CWF19L2: variants seen among roughly 807,000 people sequenced by gnomAD.
CWF19L2 encodes the protein CWF19-like protein 2.
A neutral mutation model predicts 111.7 loss-of-function variants in CWF19L2; 98 were observed. The observed-to-expected ratio is 0.88, with a 90% CI of 0.75 to 1.04. The LOEUF (loss-of-function observed/expected upper bound fraction) is 1.04. CWF19L2 is among the 50% of genes least tolerant of loss of function. The pLI, the probability that CWF19L2 is intolerant of heterozygous loss-of-function variation, is 0.00. For missense variants in CWF19L2, 1,101 were observed against 1,051.4 expected, an observed-to-expected ratio of 1.05 and a Z score of -0.65; for synonymous variants, 351 against 342.9, an observed-to-expected ratio of 1.02 and a Z score of -0.26.
chr11:107,404,484 A>G, intron 10 of CWF19L2: 1 of 756,970 alleles, frequency 1.3e-6, no homozygotes, highest in Non-Finnish European at 2.5e-6. Context: ...TAGTTGTTGT[A>G]GGCGAGATGA....
Position 107,450,765 on chromosome 11 carries a change from A to C in CWF19L2, c.339+3685T>G, listed in dbSNP as rs149654917. ...GATACAAGAGACTTCAGACAAGAGT[A>C]TTACCAAAGATAAAAACGAAAACTT... is the stretch of plus-strand genomic sequence containing the variant. On this transcript the variant is annotated intron_variant, in intron 3 of 17. Transcript: ENST00000282251. Among the ~76,000 whole-genome samples, 427 of 152,308 alleles carry C rather than the reference A, an allele frequency of 2.8e-3. 4 individuals carry two copies. Among genetic ancestry groups the C allele is most frequent in the Non-Finnish European group, 4.5e-3 (308 of 68,032 alleles).
At chr11:107,437,079 A>G in intron 6 of CWF19L2, among the ~76,000 whole-genome samples, 1 of 152,146 alleles carries the variant, frequency 6.6e-6, no homozygotes, top group East Asian at 1.9e-4. Context: ...ATTATTGAAA[A>G]TATGTCCCTT....
At chr11:107,426,160 G>T (rs982073375) in intron 8 of CWF19L2, among the ~76,000 whole-genome samples, 9 of 147,288 alleles carry the variant, frequency 6.1e-5, no homozygotes, top group Non-Finnish European at 1.4e-4. Flanking sequence ...CAAATATAAA[G>T]AGCTCTCACA....
intron 2 of CWF19L2, 85 bp downstream of exon 2, chr11:107,455,576 CATTCT>C: frequency 1.4e-6 from 1 of 707,706 alleles, no homozygotes; most frequent in Non-Finnish European, 2.3e-6. Flanking sequence ...CTTATGAAAA[CATTCT>C]ATAAAATTAT....
chr11:107,383,038 C>G (rs534478104), intron 12 of CWF19L2, among the ~76,000 whole-genome samples: 64 of 152,330 alleles, frequency 4.2e-4, no homozygotes, highest in Admixed American at 3.1e-3. Context: ...TGCTCTGCAC[C>G]CCCATACCTC....
intron 12 of CWF19L2, among the ~76,000 whole-genome samples, chr11:107,354,547 T>C (rs1860207517): frequency 6.6e-6 from 1 of 152,164 alleles, no homozygotes; most frequent in Non-Finnish European, 1.5e-5. Flanking sequence ...TTTGCATATA[T>C]ATAGTATCAT....
chr11:107,424,033 T>C (rs750234625), intron 8 of CWF19L2, among the ~76,000 whole-genome samples: 3 of 151,764 alleles, frequency 2.0e-5, no homozygotes, highest in Non-Finnish European at 4.4e-5. Flanking sequence ...ATAATACCAA[T>C]ACCAATCATA....
intron 7 of CWF19L2, among the ~76,000 whole-genome samples, chr11:107,432,461 C>T (rs963285724): frequency 1.4e-4 from 22 of 152,078 alleles, no homozygotes; most frequent in African/African-American, 5.3e-4. Flanking sequence ...TGTGCTCCTG[C>T]AGTCCCAGCT....
chr11:107,331,078 A>G (rs554196588), intron 16 of CWF19L2, among the ~76,000 whole-genome samples: 1 of 152,230 alleles, frequency 6.6e-6, no homozygotes, highest in Non-Finnish European at 1.5e-5. Context: ...GAAATAGTAT[A>G]TAACATTAAA....
chr11:107,349,083 G>A lies in CWF19L2; in HGVS notation c.2086-30C>T, dbSNP rs1017171496. 5 of 1,142,824 alleles carry A rather than the reference G, an allele frequency of 4.4e-6. No individual in the cohort carries two copies. The East Asian group carries it at 1.0e-4, about 23-fold the overall frequency. The allele number at this position is 1,142,824 out of a possible 1,614,324, so 70.8% of individuals were successfully genotyped here. A position where few individuals can be genotyped will look rare whatever the true frequency, so the allele number is the denominator to read the frequency against. The stretch of plus-strand genomic sequence containing the variant: ...AAGAGAGAAATACAAAAGGTGAAAT[G>A]TTATTGTTATTTATATGTTATATAT... On this transcript the variant is annotated intron_variant, in intron 13 of 17. Coordinates refer to ENST00000282251, the MANE Select transcript of CWF19L2 (RefSeq NM_152434.3).
chr11:107,353,579 T>C lies in CWF19L2; in HGVS notation c.2030A>G (p.Tyr677Cys). The C allele has an allele frequency of 6.2e-7, 1 of 1,613,782 alleles. No homozygotes were observed. The highest frequency in any genetic ancestry group is 8.5e-7 in the Non-Finnish European group (1 of 1,179,776). The change falls in exon 13 of 18, where the codon TAT becomes TGT. Residue 677 changes from tyrosine (Y) to cysteine (C), a missense_variant. Coordinates refer to ENST00000282251, the MANE Select transcript of CWF19L2 (RefSeq NM_152434.3). The part of the protein sequence containing the change: ...SLAAQMEKCL[Y>C]CFDSSQFPKH... The stretch of plus-strand genomic sequence containing the variant: ...GGGAAATTGAGAGCTGTCAAAACAA[T>C]ACAGACATTTTTCCATTTGTGCAGC...
In CWF19L2 at chr11:107,390,071, T is replaced by C. The variant is rs753517385; in HGVS notation, c.1872+3A>G. The C allele has an allele frequency of 2.5e-6, 4 of 1,611,956 alleles. No individual in the cohort carries two copies. The African/African-American group carries it at 4.0e-5, about 16-fold the overall frequency. Reference sequence around the variant, plus strand: ...TCAGAGGTATCCTAGGAATATATCTTACCTTAGATGCCATTCTCATAAAGA... The same window carrying C: ...TCAGAGGTATCCTAGGAATATATCTCACCTTAGATGCCATTCTCATAAAGA... On this transcript the variant is annotated splice_donor_region_variant and intron_variant, in intron 12 of 17. Transcript: ENST00000282251.
At chr11:107,400,903 G>T (rs1860989763) in intron 10 of CWF19L2, among the ~76,000 whole-genome samples, 1 of 152,096 alleles carries the variant, frequency 6.6e-6, no homozygotes, top group Non-Finnish European at 1.5e-5. Context: ...ATGTAGGGAT[G>T]GTTTAACATA....
At chr11:107,395,288 C>T (rs1156676047) in intron 10 of CWF19L2, among the ~76,000 whole-genome samples, 1 of 152,210 alleles carries the variant, frequency 6.6e-6, no homozygotes. Context: ...TCCTCCTTGC[C>T]TTCAGCCATG....
intron 3 of CWF19L2, among the ~76,000 whole-genome samples, chr11:107,447,793 A>G (rs1861721339): frequency 6.6e-6 from 1 of 152,178 alleles, no homozygotes; most frequent in African/African-American, 2.4e-5. Context: ...AAGCAAGCAA[A>G]TGTGACCCAT....
chr11:107,420,790 G>A lies in CWF19L2; in HGVS notation c.1434-2503C>T, dbSNP rs76186028. On this transcript the variant is annotated intron_variant, in intron 8 of 17. Coordinates refer to ENST00000282251, the MANE Select transcript of CWF19L2 (RefSeq NM_152434.3). ...TATACTGTAATAAAAGTTATGTGACGGTGGTATCTCTTGCAGAATACTGTA... is the reference window on the plus strand; with the variant it reads ...TATACTGTAATAAAAGTTATGTGACAGTGGTATCTCTTGCAGAATACTGTA... 9.0e-3 allele frequency among the ~76,000 whole-genome samples: 1,369 copies of A among 152,110 alleles called. 19 individuals carry two copies. The highest frequency in any genetic ancestry group is 0.031 in the African/African-American group (1,293 of 41,504).
rs184657028 is a variant in CWF19L2 at position 107,381,876 on chromosome 11, A to G, written c.1872+8198T>C. On this transcript the variant is annotated intron_variant, in intron 12 of 17. Coordinates refer to ENST00000282251, the MANE Select transcript of CWF19L2 (RefSeq NM_152434.3). Reference sequence around the variant, plus strand: ...AAATCAGTAAAAATACAAACACTTTATTAGACAATAAAATCATCTTTTTTT... The same window carrying G: ...AAATCAGTAAAAATACAAACACTTTGTTAGACAATAAAATCATCTTTTTTT... Among the ~76,000 whole-genome samples the G allele has an allele frequency of 1.2e-3, 183 of 152,330 alleles. 1 individual carries two copies. Among genetic ancestry groups the G allele is most frequent in the African/African-American group, 4.3e-3 (179 of 41,588 alleles).
At chr11:107,359,420 TG>T (rs1198069350) in intron 12 of CWF19L2, among the ~76,000 whole-genome samples, 1 of 152,200 alleles carries the variant, frequency 6.6e-6, no homozygotes, top group Non-Finnish European at 1.5e-5. Flanking sequence ...CTTGTAGGGC[TG>T]GGCTATGTCT....
rs144487211 is a variant in CWF19L2 at position 107,379,781 on chromosome 11, C to T, written c.1872+10293G>A. ...TTTTATTAAGAATCAGATACTCAGCCGGGCGCGGTGGCTCACGCCTGTAAT... is the reference window on the plus strand; with the variant it reads ...TTTTATTAAGAATCAGATACTCAGCTGGGCGCGGTGGCTCACGCCTGTAAT... On this transcript the variant is annotated intron_variant, in intron 12 of 17. Coordinates refer to ENST00000282251, the MANE Select transcript of CWF19L2 (RefSeq NM_152434.3). 2.1e-3 allele frequency among the ~76,000 whole-genome samples: 326 copies of T among 152,144 alleles called. 1 individual carries two copies. Among genetic ancestry groups the T allele is most frequent in the African/African-American group, 6.6e-3 (273 of 41,516 alleles).
Sources: gnomAD v4.1 joint callset for allele counts (sites outside exome capture counted in the v4.1 genomes callset) on GRCh38, gnomAD v4.1.1 for gene constraint, MANE v1.5 for transcripts, NCBI Gene and HGNC (gene_info 2026-07-23, HGNC 2026-07-21) for gene names.